The following NFIB variants were observed in gnomAD, a reference collection of about 807,000 sequenced individuals.
The protein encoded by NFIB is nuclear factor I B.
A neutral mutation model predicts 61.5 loss-of-function variants in NFIB; 11 were observed. The ratio of observed to expected loss-of-function variants is 0.18; its 90% CI spans 0.11 to 0.30. The LOEUF is 0.30. NFIB is among the 10% of genes least tolerant of loss of function. NFIB has a pLI of 1.00. For synonymous variants in NFIB, 260 were observed against 216.5 expected, an observed-to-expected ratio of 1.20 and a Z score of -1.76; for missense variants, 471 against 608.9, an observed-to-expected ratio of 0.77 and a Z score of 2.38.
chr9:14,323,710 C>G (rs2060714158), intron 1 of NFIB, among the ~76,000 whole-genome samples: 1 of 152,130 alleles, frequency 6.6e-6, no homozygotes, highest in South Asian at 2.1e-4. Flanking sequence ...GTATTTTAAT[C>G]TCAATTATGT....
the NFIB span, among the ~76,000 whole-genome samples, chr9:14,434,988 TGAAGA>T: frequency 6.6e-6 from 1 of 152,238 alleles, no homozygotes; most frequent in Non-Finnish European, 1.5e-5. Flanking sequence ...AGGATATCTC[TGAAGA>T]GAAAAGTTTC....
chr9:14,419,638 C>G, the NFIB span, among the ~76,000 whole-genome samples: 2 of 152,190 alleles, frequency 1.3e-5, no homozygotes, highest in African/African-American at 4.8e-5. Flanking sequence ...TCCCCAGGAC[C>G]GCTGTCTTCA....
chr9:14,322,454 C>G, intron 1 of NFIB: 1 of 231,158 alleles, frequency 4.3e-6, no homozygotes. Context: ...TCCCCGCCCT[C>G]GGATTGGCCT....
chr9:14,150,036 A>G, intron 5 of NFIB, 109 bp downstream of exon 5: 1 of 1,474,660 alleles, frequency 6.8e-7, no homozygotes, highest in South Asian at 1.4e-5. Context: ...CTACCAGCAA[A>G]AATTATTTCC....
chr9:14,150,236 A>C lies in NFIB; in HGVS notation c.715T>G (p.Phe239Val). The C allele has an allele frequency of 6.2e-7, 1 of 1,613,470 alleles. No individual in the cohort carries two copies. The highest frequency in any genetic ancestry group is 1.1e-5 in the South Asian group (1 of 91,074). Residue 239 changes from phenylalanine to valine, a missense_variant, in exon 5 of 11, where the codon TTC (phenylalanine) becomes GTC (valine). Physicochemically the swap from Phe to Val is conservative, Grantham distance 50. Transcript: ENST00000380953. The stretch of plus-strand genomic sequence containing the variant: ...TGGCTTGGGATTTCTCCAATTGGGA[A>C]GTTGACTCCAGTTCCCTGGGTTATG... ...TPITQGTGVN[F>V]PIGEIPSQPY...
chr9:14,380,898 A>G (rs947512004), intron 1 of NFIB, among the ~76,000 whole-genome samples: 24 of 151,898 alleles, frequency 1.6e-4, no homozygotes, highest in African/African-American at 5.6e-4. Flanking sequence ...AATTCACCTC[A>G]TCTGTTCTTC....
the NFIB span, among the ~76,000 whole-genome samples, chr9:14,526,121 G>C: frequency 0.56 from 84,686 of 151,310 alleles, 24,160 homozygotes; most frequent in Non-Finnish European, 0.62. Flanking sequence ...CATTTCCCAG[G>C]ATTCAGCCCT....
Position 14,125,692 on chromosome 9 carries a change from G to C in NFIB, c.1000C>G (p.Pro334Ala). Residue 334 changes from proline to alanine, a missense_variant, in exon 7 of 11, where the codon CCA becomes GCA. Pro to Ala is a conservative substitution (Grantham distance 27). This residue lies in a region of NFIB where 372 missense variants were observed against 395.6 expected (regional missense o/e 0.94). Coordinates refer to ENST00000380953, the MANE Select transcript of NFIB (RefSeq NM_001190737.2). ...TGCTGGGGGAAAGTGCTCAGTCTTG[G>C]GGAAGAATCCTGTGGAGATGCAGAG... ...FSSASPQDSS[P>A]RLSTFPQHHH... 6.2e-7 allele frequency: 1 copy of C among 1,614,126 alleles called. No homozygotes were observed. Among genetic ancestry groups the C allele is most frequent in the Non-Finnish European group, 8.5e-7 (1 of 1,180,008 alleles).
intron 2 of NFIB, among the ~76,000 whole-genome samples, chr9:14,182,991 T>C (rs977100499): frequency 6.6e-6 from 1 of 152,122 alleles, no homozygotes; most frequent in African/African-American, 2.4e-5. Context: ...TAGAGCCACA[T>C]TTAAAATGAT....
intron 2 of NFIB, among the ~76,000 whole-genome samples, chr9:14,206,264 C>G (rs1232932045): frequency 6.6e-6 from 1 of 151,370 alleles, no homozygotes; most frequent in Non-Finnish European, 1.5e-5. Flanking sequence ...CAACCTCCGC[C>G]TCCCAAGGTT....
chr9:14,386,804 A>C (rs1000232791), intron 1 of NFIB, among the ~76,000 whole-genome samples: 1 of 152,224 alleles, frequency 6.6e-6, no homozygotes, highest in Non-Finnish European at 1.5e-5. Flanking sequence ...AAATGTAGAA[A>C]TTCTCAAAGT....
chr9:14,227,801 C>A (rs556535193), intron 2 of NFIB, among the ~76,000 whole-genome samples: 2 of 152,116 alleles, frequency 1.3e-5, no homozygotes, highest in Non-Finnish European at 2.9e-5. Flanking sequence ...GGTTTAATAA[C>A]GTGCCCAAGT....
intron 10 of NFIB, among the ~76,000 whole-genome samples, chr9:14,092,844 ATT>A (rs1319294727): frequency 1.3e-5 from 2 of 151,970 alleles, no homozygotes; most frequent in Non-Finnish European, 2.9e-5. Context: ...AAGATGCACT[ATT>A]TCTATATGTC....
the NFIB span, among the ~76,000 whole-genome samples, chr9:14,451,982 G>A: frequency 1.3e-5 from 2 of 152,118 alleles, no homozygotes; most frequent in African/African-American, 4.8e-5. Context: ...GGGCGAGGAT[G>A]CAGTTAAGAG....
chr9:14,289,546 TATAG>T lies in NFIB; in HGVS notation c.562+17439_562+17442del, dbSNP rs201301063. Among the ~76,000 whole-genome samples the T allele has an allele frequency of 4.7e-3, 718 of 151,732 alleles. 4 individuals are homozygous for T. The highest frequency in any genetic ancestry group is 5.8e-3 in the Non-Finnish European group (397 of 67,894). ...CTATATATTTGGTATACCATATAGA[TATAG>T]ATAGATAGATATACACACACACACA... On this transcript the variant is annotated intron_variant, in intron 2 of 10. Coordinates refer to ENST00000380953, the MANE Select transcript of NFIB (RefSeq NM_001190737.2).
chr9:14,087,437 C>A lies in NFIB; in HGVS notation c.*872G>T, dbSNP rs1022516017. ...GATATAAATTTATAAATTGCACTTGCCTCTGTTAAGTGTTTCTTTTGTGGG... is the reference window on the plus strand; with the variant it reads ...GATATAAATTTATAAATTGCACTTGACTCTGTTAAGTGTTTCTTTTGTGGG... On this transcript the variant is annotated 3_prime_UTR_variant, in exon 11 of 11. Transcript: ENST00000380953. The A allele has an allele frequency of 9.3e-6, 2 of 215,270 alleles. No homozygotes were observed. Among genetic ancestry groups the A allele is most frequent in the Non-Finnish European group, 1.9e-5 (2 of 106,474 alleles). 13.3% of individuals were successfully genotyped at this position (215,270 alleles called of 1,614,324 possible).
At chr9:14,130,999 G>C (rs1326510160) in intron 6 of NFIB, among the ~76,000 whole-genome samples, 2 of 152,146 alleles carry the variant, frequency 1.3e-5, no homozygotes, top group Non-Finnish European at 2.9e-5. Flanking sequence ...TGATGCTCAT[G>C]GTTTAGTAGA....
chr9:14,432,199 T>C, the NFIB span, among the ~76,000 whole-genome samples: 1 of 152,330 alleles, frequency 6.6e-6, no homozygotes, highest in East Asian at 1.9e-4. Context: ...GTAACTAAGG[T>C]AATCTCCTGC....
At chr9:14,508,483 C>T in the NFIB span, among the ~76,000 whole-genome samples, 2 of 152,164 alleles carry the variant, frequency 1.3e-5, no homozygotes, top group Non-Finnish European at 2.9e-5. Context: ...AATGAGAATC[C>T]TTCTCAGCAA....
Sources: gnomAD v4.1 joint callset for allele counts (sites outside exome capture counted in the v4.1 genomes callset) on GRCh38, gnomAD v4.1.1 for gene constraint, gnomAD v4.1.1 regional missense constraint, MANE v1.5 for transcripts, NCBI Gene and HGNC (gene_info 2026-07-23, HGNC 2026-07-21) for gene names.